Variants in SNORC observed in about 807,000 individuals in gnomAD.
SNORC encodes the protein secondary ossification center associated regulator of chondrocyte maturation, also known as protein SNORC.
A neutral mutation model predicts 9.7 loss-of-function variants in SNORC; 11 were observed. The ratio of observed to expected loss-of-function variants is 1.14; its 90% CI spans 0.72 to 1.88. The LOEUF is 1.88. Among genes scored for constraint, SNORC ranks in the 40% most tolerant of loss-of-function variants. SNORC has a pLI of 0.00. For synonymous variants in SNORC, 108 were observed against 88.7 expected, an observed-to-expected ratio of 1.22 and a Z score of -1.22; for missense variants, 197 against 173.1, an observed-to-expected ratio of 1.14 and a Z score of -0.77.
At chr2:232,876,501 G>A (rs1691252172), downstream of SNORC, 4 of 1,290,566 alleles carry the variant, frequency 3.1e-6, no homozygotes, top group African/African-American at 4.7e-5. The surrounding 1 kb of genome is among the most constrained non-coding windows in gnomAD (Gnocchi z 6.8). Flanking sequence ...GGGTGCGCGC[G>A]GGGCCGAGGG....
chr2:232,871,845 C>T (rs904114061), intron 1 of SNORC, among the ~76,000 whole-genome samples: 2 of 152,206 alleles, frequency 1.3e-5, no homozygotes, highest in Non-Finnish European at 2.9e-5. Flanking sequence ...CCTGGGCTGC[C>T]TGTGGCTCCT....
At chr2:232,877,761 T>A (rs1691332198), downstream of SNORC, 1 of 152,238 alleles carries the variant, frequency 6.6e-6, no homozygotes, top group African/African-American at 2.4e-5. Flanking sequence ...AAATACACTG[T>A]GAGTTCAATG....
chr2:232,875,621 T>G, intron 1 of SNORC: 4 of 483,568 alleles, frequency 8.3e-6, no homozygotes, highest in Non-Finnish European at 1.5e-5. Flanking sequence ...GGACTGAGAA[T>G]GTCTCCTTTC....
In SNORC at chr2:232,876,127, G is replaced by T; in HGVS notation, c.256+5G>T. The T allele has an allele frequency of 6.7e-7, 1 of 1,492,832 alleles. No individual in the cohort carries two copies. Among genetic ancestry groups the T allele is most frequent in the South Asian group, 1.3e-5 (1 of 79,836 alleles). 92.5% of individuals were successfully genotyped at this position (1,492,832 alleles called of 1,614,324 possible). ...AGCGGCTGGACCAGGGCGGCGGTAC[G>T]GGCGGGGCGGGGGAGGGAGGGGAGA... On this transcript the variant is annotated splice_donor_5th_base_variant and intron_variant, in intron 2 of 2. Transcript: ENST00000331342. The surrounding 1 kb of genome is among the most constrained non-coding windows in gnomAD (Gnocchi z 6.8).
downstream of SNORC, chr2:232,877,374 T>C: frequency 1.0e-6 from 1 of 985,298 alleles, no homozygotes; most frequent in Non-Finnish European, 1.2e-6. Flanking sequence ...TTTGATCCTT[T>C]GATCATTTAA....
At chr2:232,873,997 G>T (rs1166609216) in intron 1 of SNORC, among the ~76,000 whole-genome samples, 1 of 152,242 alleles carries the variant, frequency 6.6e-6, no homozygotes, top group Non-Finnish European at 1.5e-5. Context: ...TTCTGCCTTG[G>T]GCCAGCCCTG....
chr2:232,869,999 T>C (rs1367351958), upstream of SNORC, among the ~76,000 whole-genome samples: 1 of 152,198 alleles, frequency 6.6e-6, no homozygotes, highest in Non-Finnish European at 1.5e-5. Context: ...CAAGAAAGCT[T>C]GAAAACCTTT....
chr2:232,876,884 C>G (rs1298547192), downstream of SNORC: 2 of 985,356 alleles, frequency 2.0e-6, no homozygotes, highest in Non-Finnish European at 2.4e-6. The surrounding 1 kb of genome is among the most constrained non-coding windows in gnomAD (Gnocchi z 6.8). Flanking sequence ...GGCCTGCCTC[C>G]CATCCCGCTC....
intron 1 of SNORC, among the ~76,000 whole-genome samples, chr2:232,871,806 A>C (rs1691035517): frequency 6.6e-6 from 1 of 152,152 alleles, no homozygotes; most frequent in African/African-American, 2.4e-5. Flanking sequence ...TGTGGGCCGA[A>C]GGGGAGGCCC....
rs556871466 is a variant in SNORC, at chr2:232,872,215, A to T, written c.73+1801A>T. Among the ~76,000 whole-genome samples, 8 of 151,986 alleles carry T rather than the reference A, an allele frequency of 5.3e-5. No homozygotes were observed. The East Asian group carries it at 1.6e-3, about 30-fold the overall frequency. On this transcript the variant is annotated intron_variant, in intron 1 of 2. Coordinates refer to ENST00000331342, the Ensembl canonical transcript of SNORC. ...GGGGTCCTGTAGCAGACAGGAAGGG[A>T]AGGAGCGGCCTTGTGGGCTGAGGCC...
chr2:232,867,869 G>A (rs551783549), upstream of SNORC, among the ~76,000 whole-genome samples: 5 of 152,366 alleles, frequency 3.3e-5, no homozygotes, highest in South Asian at 6.2e-4. Context: ...CCAGTGCCCA[G>A]CTATTCTGGT....
intron 1 of SNORC, among the ~76,000 whole-genome samples, chr2:232,872,157 C>A (rs1559180705): frequency 6.6e-6 from 1 of 152,120 alleles, no homozygotes; most frequent in South Asian, 2.1e-4. Context: ...GAGCTCTGGA[C>A]AGGTGTGTAC....
At chr2:232,867,546 A>G (rs1358594801), upstream of SNORC, among the ~76,000 whole-genome samples, 9 of 152,226 alleles carry the variant, frequency 5.9e-5, no homozygotes, top group South Asian at 2.1e-4. Flanking sequence ...TTGAAATACA[A>G]TTCATTGTCT....
At chr2:232,873,121 C>G (rs533435870) in intron 1 of SNORC, among the ~76,000 whole-genome samples, 4 of 152,198 alleles carry the variant, frequency 2.6e-5, no homozygotes, top group Non-Finnish European at 5.9e-5. Context: ...CCAGGCCAGA[C>G]GCAGCAGCTG....
intron 1 of SNORC, among the ~76,000 whole-genome samples, chr2:232,871,752 G>A (rs1453274219): frequency 6.6e-6 from 1 of 152,206 alleles, no homozygotes; most frequent in Non-Finnish European, 1.5e-5. Flanking sequence ...GATCTTTGCA[G>A]CCCCCTCACT....
chr2:232,878,673 G>C (rs895212903), downstream of SNORC: 1 of 152,628 alleles, frequency 6.6e-6, no homozygotes, highest in Non-Finnish European at 1.5e-5. Flanking sequence ...TTGTGTACAA[G>C]GGCAATAAAG....
chr2:232,876,449 T>C (rs1233926822), downstream of SNORC: 1 of 1,409,610 alleles, frequency 7.1e-7, no homozygotes, highest in African/African-American at 1.5e-5. This position sits in a 1 kb window ranked among gnomAD's most constrained non-coding sequence, Gnocchi z 6.8. Context: ...CGCATGCAGG[T>C]GTGCCAGAGC....
downstream of SNORC, chr2:232,876,957 C>T: frequency 1.0e-6 from 1 of 985,520 alleles, no homozygotes; most frequent in Non-Finnish European, 1.2e-6. The surrounding 1 kb of genome is among the most constrained non-coding windows in gnomAD (Gnocchi z 6.8). Context: ...CGACAGAGAC[C>T]CCGGGGCCCG....
At chr2:232,876,465 CGCGCGCAGGCGAGCGCTCAGGGCGGGGGT>C (rs1217725753), downstream of SNORC, 7 of 1,361,480 alleles carry the variant, frequency 5.1e-6, no homozygotes, top group South Asian at 1.7e-5. The surrounding 1 kb of genome is among the most constrained non-coding windows in gnomAD (Gnocchi z 6.8). Context: ...AGAGCGTGAG[CGCGCGCAGGCGAGCGCTCAGGGCGGGGGT>C]GCGCGCGGGG....
Sources: allele counts gnomAD v4.1 joint callset (sites outside exome capture counted in the v4.1 genomes callset), GRCh38; gene constraint gnomAD v4.1.1; non-coding constraint Gnocchi (gnomAD v3.1); transcripts MANE v1.5; gene names NCBI Gene and HGNC (gene_info 2026-07-23, HGNC 2026-07-21).